Variants in TUB observed in about 807,000 individuals in gnomAD.
TUB encodes the protein TUB bipartite transcription factor.
In TUB, 33 loss-of-function variants were observed where a neutral mutation model predicts 59.7. The observed-to-expected ratio is 0.55, with a 90% CI of 0.42 to 0.74. The LOEUF (loss-of-function observed/expected upper bound fraction) is 0.74, where lower values mean the gene tolerates loss of function less well. Ranked by LOEUF, TUB falls within the 30% of genes least tolerant of loss-of-function variation. TUB has a pLI of 0.00. For missense variants in TUB, 659 were observed against 672.0 expected, an observed-to-expected ratio of 0.98 and a Z score of 0.21; for synonymous variants, 293 against 256.4, an observed-to-expected ratio of 1.14 and a Z score of -1.36.
chr11:8,073,408 C>T (rs1943393060), intron 2 of TUB, among the ~76,000 whole-genome samples: 1 of 152,194 alleles, frequency 6.6e-6, no homozygotes, highest in African/African-American at 2.4e-5. Context: ...ATGCATTTCA[C>T]ATTTTAAATA....
intron 9 of TUB, among the ~76,000 whole-genome samples, chr11:8,099,829 G>A (rs1246305757): frequency 1.3e-5 from 2 of 152,226 alleles, no homozygotes; most frequent in Admixed American, 6.5e-5. Context: ...TACGTGTCTA[G>A]GGGACACAGT....
chr11:8,059,168 C>T (rs543679978), intron 2 of TUB, among the ~76,000 whole-genome samples: 71 of 152,124 alleles, frequency 4.7e-4, no homozygotes, highest in Non-Finnish European at 7.6e-4. Flanking sequence ...ATCAGCCTGA[C>T]CTCCTCCTGG....
chr11:8,057,159 C>A (rs1358552051), intron 2 of TUB, among the ~76,000 whole-genome samples: 1 of 152,146 alleles, frequency 6.6e-6, no homozygotes, highest in East Asian at 1.9e-4. Context: ...GGGTGACTCT[C>A]CTGGAACTGG....
chr11:8,094,234 C>T, intron 4 of TUB, 45 bp downstream of exon 4: 1 of 1,555,910 alleles, frequency 6.4e-7, no homozygotes, highest in East Asian at 2.3e-5. Context: ...GCCTGGCCTC[C>T]ACTGTAGGGC....
upstream of TUB, among the ~76,000 whole-genome samples, chr11:8,034,784 C>T (rs1942624157): frequency 6.6e-6 from 1 of 152,226 alleles, no homozygotes; most frequent in African/African-American, 2.4e-5. Flanking sequence ...CATCTCCTCC[C>T]CTTAGCAGAC....
At chr11:8,047,665 G>C (rs1164987319) in intron 2 of TUB, among the ~76,000 whole-genome samples, 1 of 152,204 alleles carries the variant, frequency 6.6e-6, no homozygotes, top group Non-Finnish European at 1.5e-5. Context: ...CTGCACAGGG[G>C]CTAGACTTAA....
intron 5 of TUB, 69 bp downstream of exon 5, chr11:8,095,734 G>C (rs1943963275): frequency 6.7e-7 from 1 of 1,491,592 alleles, no homozygotes; most frequent in East Asian, 2.5e-5. Context: ...ACCTTTCTCT[G>C]GGAGCATGGC....
chr11:8,027,377 T>C (rs1311269660), intron 1 of TUB, among the ~76,000 whole-genome samples: 2 of 152,234 alleles, frequency 1.3e-5, no homozygotes, highest in Non-Finnish European at 2.9e-5. Context: ...ATTTTTCCTT[T>C]TGTGTCTGGC....
intron 1 of TUB, among the ~76,000 whole-genome samples, chr11:8,022,848 T>C (rs1942449227): frequency 6.6e-6 from 1 of 152,198 alleles, no homozygotes; most frequent in East Asian, 1.9e-4. Context: ...GCAGTGGAGA[T>C]CGTGCCACTG....
chr11:8,070,460 T>G (rs914860136), intron 2 of TUB, among the ~76,000 whole-genome samples: 1 of 152,232 alleles, frequency 6.6e-6, no homozygotes, highest in Non-Finnish European at 1.5e-5. Context: ...TTGGCTATTT[T>G]TCCATCTTTT....
chr11:8,100,656 GC>G, intron 10 of TUB, 55 bp downstream of exon 10: 1 of 1,571,324 alleles, frequency 6.4e-7, no homozygotes, highest in Non-Finnish European at 8.7e-7. Context: ...CTCTGCATGA[GC>G]TTCTAAGGGC....
intron 2 of TUB, among the ~76,000 whole-genome samples, chr11:8,045,205 C>T (rs947405475): frequency 7.2e-5 from 11 of 152,188 alleles, no homozygotes; most frequent in Admixed American, 5.9e-4. Context: ...CCAAGAGTCA[C>T]CTCATTAGAA....
At chr11:8,038,719 G>C in exon 1 of TUB, 1 of 1,486,682 alleles carries the variant, frequency 6.7e-7, no homozygotes, top group Non-Finnish European at 8.9e-7. Context: ...GGTGATGGTG[G>C]TTGTTAGTCT....
chr11:8,101,694 C>T lies in TUB; in HGVS notation c.*75C>T. ...TGCCTGCCTGTGGAGACAGCCCTGC[C>T]TATCCTCTGTATATAGGCCTTCCGC... On this transcript the variant is annotated 3_prime_UTR_variant, in exon 12 of 12. Coordinates refer to ENST00000299506, the MANE Select transcript of TUB (RefSeq NM_177972.3). The T allele has an allele frequency of 8.3e-6, 13 of 1,568,710 alleles. No individual in the cohort carries two copies. Among genetic ancestry groups the T allele is most frequent in the Non-Finnish European group, 1.0e-5 (12 of 1,158,440 alleles).
chr11:8,100,866 C>G lies in TUB; in HGVS notation c.1256C>G (p.Thr419Arg). 1 of 1,614,146 alleles carries G rather than the reference C, an allele frequency of 6.2e-7. No homozygotes were observed. The highest frequency in any genetic ancestry group is 8.5e-7 in the Non-Finnish European group (1 of 1,180,020). ...TLLARWQNKN[T>R]ESIIELQNKT... ...CTAGCACGCTGGCAGAATAAGAACA[C>G]GGAGAGTATCATCGAGCTGCAAAAC... The change falls in exon 11 of 12, where the codon ACG becomes AGG. Residue 419 changes from threonine (T) to arginine (R), a missense_variant. Coordinates refer to ENST00000299506, the MANE Select transcript of TUB (RefSeq NM_177972.3).
Position 8,081,398 on chromosome 11 carries a change from CCGGCCCGGGAGGATGCGGCCCGGGG to C in TUB, c.-101_-77del, listed in dbSNP as rs1943559051. On this transcript the variant is annotated 5_prime_UTR_variant, in exon 1 of 12. It removes an upstream start codon present in the reference 5' UTR. Coordinates refer to ENST00000299506, the MANE Select transcript of TUB (RefSeq NM_177972.3). ...GCGGGCCTCGGCGGGGCCCAGCGCC[CCGGCCCGGGAGGATGCGGCCCGGGG>C]CGGCCCGGGAGCTGAGCAGGGCCCC... The C allele has an allele frequency of 9.8e-7, 1 of 1,018,398 alleles. No homozygotes were observed. The highest frequency in any genetic ancestry group is 1.2e-6 in the Non-Finnish European group (1 of 852,560). The allele number at this position is 1,018,398 out of a possible 1,614,324, so 63.1% of individuals were successfully genotyped here.
chr11:8,045,766 T>C (rs1942820919), intron 2 of TUB, among the ~76,000 whole-genome samples: 2 of 152,210 alleles, frequency 1.3e-5, no homozygotes, highest in Non-Finnish European at 2.9e-5. Context: ...TGGGGTTTTC[T>C]TTTAGGCTTT....
At chr11:8,041,409 A>G (rs889059525) in intron 2 of TUB, among the ~76,000 whole-genome samples, 7 of 152,200 alleles carry the variant, frequency 4.6e-5, no homozygotes, top group African/African-American at 1.4e-4. Flanking sequence ...GGGCTGACTT[A>G]TCTCCGTAGG....
chr11:8,071,550 A>T (rs1943360324), intron 2 of TUB, among the ~76,000 whole-genome samples: 1 of 152,180 alleles, frequency 6.6e-6, no homozygotes, highest in African/African-American at 2.4e-5. Flanking sequence ...TCAAGTGAGA[A>T]CATGGGCCTA....
Sources: gnomAD v4.1 joint callset for allele counts (sites outside exome capture counted in the v4.1 genomes callset) on GRCh38, gnomAD v4.1.1 for gene constraint, MANE v1.5 for transcripts, NCBI Gene and HGNC (gene_info 2026-07-23, HGNC 2026-07-21) for gene names.